Variants in SPOCK3 observed in about 807,000 individuals in gnomAD.
SPOCK3 encodes testican-3.
Under a neutral mutation model 56.6 loss-of-function variants are expected in SPOCK3, and 30 were observed. The ratio of observed to expected loss-of-function variants is 0.53; its 90% confidence interval spans 0.40 to 0.72. SPOCK3 has a LOEUF of 0.72. Ranked by LOEUF, SPOCK3 falls within the 30% of genes least tolerant of loss-of-function variation. The pLI, the probability that SPOCK3 is intolerant of heterozygous loss-of-function variation, is 0.00. For synonymous variants in SPOCK3, 196 were observed against 183.3 expected (o/e 1.07, Z -0.56); for missense variants, 527 against 530.0 (o/e 0.99, Z 0.06).
Position 167,119,929 on chromosome 4 carries a change from G to C in SPOCK3, c.190-57392C>G. ...GAAAAAAGGAAAGAAAGAAAGAAAA[G>C]AATAAACCCCTTTCTGATGAAAATA... On this transcript the variant is annotated intron_variant, in intron 2 of 10. Transcript: ENST00000357545. 2.6e-6 allele frequency: 3 copies of C among 1,173,618 alleles called. No individual in the cohort carries two copies. The Middle Eastern group carries it at 6.2e-4, about 242-fold the overall frequency. 72.7% of individuals were successfully genotyped at this position (1,173,618 alleles called of 1,614,324 possible).
At chr4:167,050,086 A>G (rs1478452301) in intron 3 of SPOCK3, among the ~76,000 whole-genome samples, 1 of 152,114 alleles carries the variant, frequency 6.6e-6, no homozygotes, top group Admixed American at 6.6e-5. Context: ...TGTTCAATGG[A>G]GGCAATGATT....
At chr4:166,845,178 A>T (rs1201628740) in intron 6 of SPOCK3, among the ~76,000 whole-genome samples, 1 of 152,232 alleles carries the variant, frequency 6.6e-6, no homozygotes, top group East Asian at 1.9e-4. Flanking sequence ...GATATCACAG[A>T]TAAGGATAAA....
intron 4 of SPOCK3, among the ~76,000 whole-genome samples, chr4:166,972,714 T>C (rs1271207767): frequency 1.3e-5 from 2 of 151,980 alleles, no homozygotes; most frequent in Non-Finnish European, 2.9e-5. Flanking sequence ...TTCTTAATTA[T>C]TGATCAACAA....
At chr4:167,084,693 C>T (rs1403393537) in intron 2 of SPOCK3, among the ~76,000 whole-genome samples, 2 of 151,962 alleles carry the variant, frequency 1.3e-5, no homozygotes, top group Admixed American at 1.3e-4. Flanking sequence ...AGGTGCCCAC[C>T]CTCCTAAGAG....
chr4:167,228,123 T>C (rs751157004), intron 2 of SPOCK3, among the ~76,000 whole-genome samples: 1 of 152,292 alleles, frequency 6.6e-6, no homozygotes, highest in Middle Eastern at 3.4e-3. Context: ...ACTCAACATG[T>C]TATGTGTAAT....
intron 4 of SPOCK3, among the ~76,000 whole-genome samples, chr4:166,979,712 G>T (rs542189857): frequency 6.6e-6 from 1 of 152,160 alleles, no homozygotes; most frequent in African/African-American, 2.4e-5. Flanking sequence ...TAAAGAGTTT[G>T]AATTTCCCAG....
intron 6 of SPOCK3, among the ~76,000 whole-genome samples, chr4:166,855,984 T>G (rs1221988549): frequency 6.6e-6 from 1 of 152,154 alleles, no homozygotes; most frequent in Non-Finnish European, 1.5e-5. Context: ...AATGGATTAA[T>G]GTAGGGGAGA....
chr4:167,231,794 G>A (rs1430854775), intron 2 of SPOCK3, among the ~76,000 whole-genome samples: 1 of 152,028 alleles, frequency 6.6e-6, no homozygotes, highest in African/African-American at 2.4e-5. Flanking sequence ...TTAATAATAA[G>A]CAACAGGTGG....
chr4:167,153,748 G>A (rs185901673), intron 2 of SPOCK3, among the ~76,000 whole-genome samples: 8 of 152,232 alleles, frequency 5.3e-5, no homozygotes, highest in East Asian at 1.9e-4. Context: ...CTGCACTAGC[G>A]TTCAAATGAC....
intron 7 of SPOCK3, among the ~76,000 whole-genome samples, chr4:166,776,491 T>C (rs1739566069): frequency 6.6e-6 from 1 of 152,086 alleles, no homozygotes; most frequent in Non-Finnish European, 1.5e-5. Flanking sequence ...TCAAAGGACA[T>C]TTTAAAATAT....
chr4:166,851,303 C>T (rs1241405647), intron 6 of SPOCK3, among the ~76,000 whole-genome samples: 2 of 152,244 alleles, frequency 1.3e-5, no homozygotes, highest in South Asian at 2.1e-4. Context: ...ATATCCACAC[C>T]AAAAACCCAT....
chr4:166,842,768 T>G (rs974516182), intron 6 of SPOCK3, among the ~76,000 whole-genome samples: 1 of 152,234 alleles, frequency 6.6e-6, no homozygotes, highest in African/African-American at 2.4e-5. Flanking sequence ...GGAGCCCAGC[T>G]GGCTTCGCCT....
At chr4:166,902,592 G>GAT (rs1736167289) in intron 5 of SPOCK3, among the ~76,000 whole-genome samples, 2 of 151,130 alleles carry the variant, frequency 1.3e-5, no homozygotes, top group South Asian at 4.2e-4. Context: ...ATAAATATAT[G>GAT]ATATATATAA....
chr4:166,827,561 G>A (rs896724179), intron 6 of SPOCK3, among the ~76,000 whole-genome samples: 6 of 152,024 alleles, frequency 3.9e-5, no homozygotes, highest in Non-Finnish European at 5.9e-5. Context: ...GTTACCACTA[G>A]GCTTTCCCAT....
intron 4 of SPOCK3, among the ~76,000 whole-genome samples, chr4:166,926,743 T>C (rs1191912318): frequency 1.3e-5 from 2 of 152,138 alleles, no homozygotes; most frequent in East Asian, 3.9e-4. Context: ...TAATTATTTT[T>C]AGACAAAAAT....
At chr4:166,818,222 T>A (rs1198767281) in intron 6 of SPOCK3, among the ~76,000 whole-genome samples, 1 of 151,988 alleles carries the variant, frequency 6.6e-6, no homozygotes, top group Non-Finnish European at 1.5e-5. Context: ...TCATCCTTTT[T>A]TGTGGCTAAA....
intron 4 of SPOCK3, among the ~76,000 whole-genome samples, chr4:166,964,380 A>C (rs1268870817): frequency 2.0e-5 from 3 of 151,822 alleles, no homozygotes; most frequent in Non-Finnish European, 4.4e-5. Flanking sequence ...CAGATATTTT[A>C]CAGTATTCTC....
chr4:167,195,426 C>T (rs1732847849), intron 2 of SPOCK3, among the ~76,000 whole-genome samples: 1 of 152,170 alleles, frequency 6.6e-6, no homozygotes, highest in South Asian at 2.1e-4. Context: ...GAGTGCAGAA[C>T]TGTTGAGAGA....
chr4:166,843,684 C>T (rs2090391379), intron 6 of SPOCK3, among the ~76,000 whole-genome samples: 1 of 152,202 alleles, frequency 6.6e-6, no homozygotes, highest in South Asian at 2.1e-4. Flanking sequence ...GCAAAGGATC[C>T]AGTTGGCTCT....
Sources: allele counts gnomAD v4.1 joint callset (sites outside exome capture counted in the v4.1 genomes callset), GRCh38; gene constraint gnomAD v4.1.1; transcripts MANE v1.5; gene names NCBI Gene and HGNC (gene_info 2026-07-23, HGNC 2026-07-21).